The following FMN1 variants were observed in gnomAD, a reference collection of about 807,000 sequenced individuals.
FMN1 encodes the protein formin-1.
Under a neutral mutation model 132.4 loss-of-function variants are expected in FMN1, and 110 were observed. The observed-to-expected ratio is 0.83, with a 90% CI of 0.71 to 0.97. The LOEUF (loss-of-function observed/expected upper bound fraction) is 0.97. FMN1 is among the 50% of genes least tolerant of loss of function. The probability of loss-of-function intolerance (pLI) is 0.00; values close to 1 mark genes in which losing one functional copy is unlikely to be tolerated. For missense variants in FMN1, 1,792 were observed against 1,705.3 expected (o/e 1.05, Z -0.90); for synonymous variants, 722 against 651.7 (o/e 1.11, Z -1.64).
intron 6 of FMN1, among the ~76,000 whole-genome samples, chr15:33,060,582 T>TA (rs1295979737): frequency 6.6e-6 from 1 of 152,180 alleles, no homozygotes; most frequent in African/African-American, 2.4e-5. Flanking sequence ...CCACATGTCT[T>TA]GACAATTTGC....
chr15:33,190,232 C>T (rs1966027099), intron 2 of FMN1, among the ~76,000 whole-genome samples: 1 of 152,156 alleles, frequency 6.6e-6, no homozygotes, highest in Non-Finnish European at 1.5e-5. Context: ...GTATTATCTT[C>T]TCTACTGAGA....
At chr15:32,806,670 T>C (rs2141018552) in intron 17 of FMN1, among the ~76,000 whole-genome samples, 1 of 152,324 alleles carries the variant, frequency 6.6e-6, no homozygotes, top group East Asian at 1.9e-4. Context: ...CCTTTCCAGC[T>C]TCGCTGGCAG....
rs182683650 is a variant in FMN1, at chr15:33,133,359, C to T, written c.1867+19689G>A. Among the ~76,000 whole-genome samples the T allele has an allele frequency of 1.8e-4, 28 of 152,338 alleles. No homozygotes were observed. The East Asian group carries it at 5.2e-3, about 28-fold the overall frequency. The stretch of plus-strand genomic sequence containing the variant: ...CACAGTCCCTGAGCTTCTCAGAGAT[C>T]AGTCTTCTGGTCTCTAAGGAACCTC... On this transcript the variant is annotated intron_variant, in intron 4 of 20. Transcript: ENST00000616417.
At chr15:32,831,472 G>C (rs2058499579) in intron 17 of FMN1, among the ~76,000 whole-genome samples, 1 of 152,138 alleles carries the variant, frequency 6.6e-6, no homozygotes, top group Admixed American at 6.5e-5. Flanking sequence ...TTTGCTGCTT[G>C]CCTAGAACAC....
chr15:32,975,612 G>GA (rs1354346128), intron 7 of FMN1, among the ~76,000 whole-genome samples: 1 of 152,002 alleles, frequency 6.6e-6, no homozygotes, highest in Admixed American at 6.5e-5. Flanking sequence ...TTTTGGACTA[G>GA]AAAACTCATA....
At chr15:32,966,050 G>A (rs1346950774) in intron 8 of FMN1, among the ~76,000 whole-genome samples, 2 of 152,106 alleles carry the variant, frequency 1.3e-5, no homozygotes, top group African/African-American at 4.8e-5. Context: ...CATGCGGCAT[G>A]TTAAGGGCCA....
rs1193864524 is a variant in FMN1 at position 33,008,004 on chromosome 15, A to G, written c.2223+10T>C. The G allele has an allele frequency of 9.4e-6, 15 of 1,595,290 alleles. No individual in the cohort carries two copies. The highest frequency in any genetic ancestry group is 8.0e-5 in the African/African-American group (6 of 74,670). On this transcript the variant is annotated intron_variant, in intron 7 of 20. Transcript: ENST00000616417. The stretch of plus-strand genomic sequence containing the variant: ...TATAGAACCCGTTCAGTAGCATCAA[A>G]GAGGCATACCTGCAGGTTTTCAATT...
chr15:32,949,368 G>A (rs1252359071), intron 9 of FMN1, among the ~76,000 whole-genome samples: 1 of 152,106 alleles, frequency 6.6e-6, no homozygotes, highest in African/African-American at 2.4e-5. Context: ...GAACAGAACA[G>A]AGAACCTATT....
intron 5 of FMN1, among the ~76,000 whole-genome samples, chr15:33,085,880 G>T (rs1469988371): frequency 6.6e-6 from 1 of 152,084 alleles, no homozygotes; most frequent in East Asian, 1.9e-4. Context: ...TCATTTCATG[G>T]AATATTCATC....
intron 9 of FMN1, among the ~76,000 whole-genome samples, chr15:32,943,458 G>T (rs570996883): frequency 6.6e-6 from 1 of 152,292 alleles, no homozygotes; most frequent in South Asian, 2.1e-4. Flanking sequence ...GTAAAAAGTA[G>T]ATATGCTACT....
chr15:33,003,543 AAG>A (rs1338336750), intron 7 of FMN1, among the ~76,000 whole-genome samples: 1 of 152,240 alleles, frequency 6.6e-6, no homozygotes, highest in Non-Finnish European at 1.5e-5. Context: ...AATGAAATAA[AAG>A]AGGATACAAA....
chr15:33,091,998 C>T (rs2038920966), intron 4 of FMN1, among the ~76,000 whole-genome samples: 1 of 152,148 alleles, frequency 6.6e-6, no homozygotes, highest in Non-Finnish European at 1.5e-5. Flanking sequence ...GTTTTGTACT[C>T]AGTATTAGTT....
chr15:32,948,009 T>G (rs540109238), intron 9 of FMN1, among the ~76,000 whole-genome samples: 3 of 152,148 alleles, frequency 2.0e-5, no homozygotes, highest in South Asian at 2.1e-4. Flanking sequence ...ATATTCCTAT[T>G]TCGTACTGAT....
intron 16 of FMN1, among the ~76,000 whole-genome samples, chr15:32,864,908 TG>T (rs2059356489): frequency 6.6e-6 from 1 of 152,188 alleles, no homozygotes; most frequent in Non-Finnish European, 1.5e-5. Flanking sequence ...ATACACAGAA[TG>T]AAATATTTGG....
At chr15:32,984,767 C>T (rs76948686) in intron 7 of FMN1, among the ~76,000 whole-genome samples, 2,568 of 152,098 alleles carry the variant, frequency 0.017, 74 homozygotes, top group African/African-American at 0.055. Context: ...ACACAAATTG[C>T]ATTAAGCAGG....
At chr15:33,092,866 T>G (rs1304935397) in intron 4 of FMN1, among the ~76,000 whole-genome samples, 1 of 152,104 alleles carries the variant, frequency 6.6e-6, no homozygotes, top group African/African-American at 2.4e-5. Flanking sequence ...CTGAAAAAAA[T>G]TATTCAATGC....
intron 4 of FMN1, among the ~76,000 whole-genome samples, chr15:33,110,721 CTTT>C (rs761506232): frequency 1.3e-5 from 2 of 151,510 alleles, no homozygotes; most frequent in African/African-American, 4.9e-5. Context: ...GACTAACAGT[CTTT>C]TATTTAAAAA....
chr15:33,012,659 C>G (rs2140967699), intron 6 of FMN1: 3 of 877,132 alleles, frequency 3.4e-6, no homozygotes, highest in Non-Finnish European at 1.9e-6. Flanking sequence ...AAAGCCCTGT[C>G]AAAGCAAGAG....
intron 7 of FMN1, among the ~76,000 whole-genome samples, chr15:33,003,144 A>T (rs1302854868): frequency 6.6e-6 from 1 of 152,240 alleles, no homozygotes; most frequent in Non-Finnish European, 1.5e-5. Context: ...CTGGTACAAG[A>T]CAGGGATGCC....
Sources: gnomAD v4.1 joint callset for allele counts (sites outside exome capture counted in the v4.1 genomes callset) on GRCh38, gnomAD v4.1.1 for gene constraint, MANE v1.5 for transcripts, NCBI Gene and HGNC (gene_info 2026-07-23, HGNC 2026-07-21) for gene names.